Variants in TG observed in about 807,000 individuals in gnomAD.
TG encodes thyroid hormones.
In TG, 270 loss-of-function variants were observed where a neutral mutation model predicts 324.7. The observed-to-expected ratio is 0.83, with a 90% CI of 0.75 to 0.92. TG has a LOEUF of 0.92. Among genes scored for constraint, TG ranks in the 40% least tolerant of loss-of-function variants. The pLI, the probability that TG is intolerant of heterozygous loss-of-function variation, is 0.00. For missense variants in TG, 3,591 were observed against 3,456.4 expected (o/e 1.04, Z -0.98); for synonymous variants, 1,401 against 1,327.0 (o/e 1.06, Z -1.21).
At chr8:133,069,452 T>C (rs1244629690) in intron 41 of TG, among the ~76,000 whole-genome samples, 1 of 152,176 alleles carries the variant, frequency 6.6e-6, no homozygotes, top group East Asian at 1.9e-4. Flanking sequence ...TTGGTCTCTC[T>C]AAAGAGATCT....
At chr8:133,049,249 T>G in intron 41 of TG, 5 of 427,320 alleles carry the variant, frequency 1.2e-5, no homozygotes, top group South Asian at 6.5e-5. Flanking sequence ...ATATCTCTTG[T>G]TTATCTTACC....
chr8:133,001,849 C>T, intron 35 of TG: 13 of 985,470 alleles, frequency 1.3e-5, no homozygotes, highest in Non-Finnish European at 1.3e-5. Context: ...TTTACCCCAG[C>T]CAGCCTGTGC....
intron 25 of TG, among the ~76,000 whole-genome samples, chr8:132,936,708 C>T (rs1056991829): frequency 2.6e-5 from 4 of 152,162 alleles, no homozygotes; most frequent in Non-Finnish European, 4.4e-5. Context: ...GGTCTGCGCT[C>T]GCTCTTCTGC....
At position 133,113,571 on chromosome 8, in the gene TG, C is replaced by T; in HGVS notation, c.7722C>T (p.Ala2574=). Residue 2574 remains alanine (A), a synonymous_variant, in exon 44 of 48, where the codon GCC becomes GCT. Transcript: ENST00000220616. ...YSLEHSTDDY[A]SFSRALENAT... ...TGGAGCACTCCACGGATGACTATGCCTCCTTCTCCCGGGCTCTGGAGAATG... is the reference window on the plus strand; with the variant it reads ...TGGAGCACTCCACGGATGACTATGCTTCCTTCTCCCGGGCTCTGGAGAATG... 6.2e-7 allele frequency: 1 copy of T among 1,614,172 alleles called. No individual in the cohort carries two copies. The highest frequency in any genetic ancestry group is 8.5e-7 in the Non-Finnish European group (1 of 1,180,020).
At chr8:133,050,043 G>A (rs1381779136) in intron 41 of TG, 1 of 1,123,308 alleles carries the variant, frequency 8.9e-7, no homozygotes. Context: ...CAAAACCAAA[G>A]GATGAATGAA....
intron 19 of TG, 61 bp from the exon 20 acceptor site, chr8:132,912,986 T>C (rs1819749285): frequency 3.3e-6 from 5 of 1,524,924 alleles, no homozygotes; most frequent in African/African-American, 1.4e-5. Flanking sequence ...CCCTGCTTAA[T>C]CCTCCCTGGC....
chr8:133,079,077 G>A (rs1365911010), intron 41 of TG, among the ~76,000 whole-genome samples: 1 of 152,192 alleles, frequency 6.6e-6, no homozygotes, highest in African/African-American at 2.4e-5. Context: ...CTAGGTCCAT[G>A]TACTGAGTCA....
intron 27 of TG, among the ~76,000 whole-genome samples, chr8:132,958,505 G>A (rs1036780339): frequency 2.0e-5 from 3 of 152,118 alleles, no homozygotes; most frequent in Non-Finnish European, 4.4e-5. Context: ...GGATCACGAG[G>A]TCAGGAGTTC....
At chr8:133,000,660 C>A (rs1304942625) in intron 35 of TG, among the ~76,000 whole-genome samples, 1 of 152,188 alleles carries the variant, frequency 6.6e-6, no homozygotes. Flanking sequence ...CACATTATGT[C>A]TGTGCCGCTT....
chr8:132,993,677 A>C (rs760802970), intron 35 of TG, among the ~76,000 whole-genome samples: 3 of 152,198 alleles, frequency 2.0e-5, no homozygotes, highest in African/African-American at 4.8e-5. Flanking sequence ...TGTTTGCTGA[A>C]TGGTTATGTC....
Position 132,995,552 on chromosome 8 carries a change from A to G in TG, c.6262+12140A>G, listed in dbSNP as rs575664487. The G allele has an allele frequency of 3.4e-5, 33 of 984,638 alleles. No homozygotes were observed. The South Asian group carries it at 1.3e-3, about 39-fold the overall frequency. The allele number at this position is 984,638 out of a possible 1,614,324, so 61.0% of individuals were successfully genotyped here. ...TTGTTCACATGCATTTGTGCCTCAG[A>G]ATTTCTATCGTTTTGCCCACGCACC... is the stretch of plus-strand genomic sequence containing the variant. On this transcript the variant is annotated intron_variant, in intron 35 of 47. Coordinates refer to ENST00000220616, the MANE Select transcript of TG (RefSeq NM_003235.5).
intron 41 of TG, chr8:133,060,106 G>T: frequency 6.3e-7 from 1 of 1,599,242 alleles, no homozygotes; most frequent in Non-Finnish European, 8.5e-7. Flanking sequence ...TTACCCTCCG[G>T]GTTGGGCAGG....
chr8:132,887,370 G>A lies in TG; in HGVS notation c.1998G>A (p.Arg666=). Residue 666 remains arginine, a synonymous_variant, in exon 9 of 48, where the codon AGG becomes AGA. Coordinates refer to ENST00000220616, the MANE Select transcript of TG (RefSeq NM_003235.5). ...GCCCCACAGACTGTGAAAAGCAAAG[G>A]GCTCGCATGCAAAGCCTCATGGGCA... The part of the protein sequence containing the change: ...PRCPTDCEKQ[R]ARMQSLMGSQ... 6.2e-7 allele frequency: 1 copy of A among 1,614,104 alleles called. No individual in the cohort carries two copies. The highest frequency in any genetic ancestry group is 1.1e-5 in the South Asian group (1 of 91,080).
intron 30 of TG, 113 bp downstream of exon 30, chr8:132,966,810 A>G: frequency 1.6e-6 from 2 of 1,277,974 alleles, no homozygotes; most frequent in Admixed American, 1.7e-5. Context: ...GTCATAACTC[A>G]TGGATCACTG....
In TG at chr8:132,882,886, G is replaced by C. The variant is rs753308520; in HGVS notation, c.962G>C (p.Arg321Pro). 6.2e-7 allele frequency: 1 copy of C among 1,614,224 alleles called. No homozygotes were observed. Among genetic ancestry groups the C allele is most frequent in the Non-Finnish European group, 8.5e-7 (1 of 1,180,044 alleles). The stretch of plus-strand genomic sequence containing the variant: ...CACCCCTATGTTCCAAGCTGCCGCC[G>C]AAATGGCGACTATCAGGCGGTGCAG... ...FGHPYVPSCR[R>P]NGDYQAVQCQ... Residue 321 changes from arginine to proline, a missense_variant, in exon 8 of 48, where the codon CGA becomes CCA. Physicochemically the swap from Arg to Pro is moderately radical, Grantham distance 103. Coordinates refer to ENST00000220616, the MANE Select transcript of TG (RefSeq NM_003235.5).
At chr8:133,112,803 A>G (rs1258826994) in intron 43 of TG, among the ~76,000 whole-genome samples, 1 of 151,996 alleles carries the variant, frequency 6.6e-6, no homozygotes, top group Non-Finnish European at 1.5e-5. Flanking sequence ...TCCCTGATAT[A>G]CCATACATTT....
chr8:132,880,436 G>A (rs1168074559), intron 5 of TG, among the ~76,000 whole-genome samples: 5 of 152,244 alleles, frequency 3.3e-5, no homozygotes, highest in Admixed American at 3.3e-4. Context: ...CCTAGGCTCT[G>A]ATGAATGAAC....
At chr8:133,055,942 G>A (rs754104710) in intron 41 of TG, among the ~76,000 whole-genome samples, 43 of 152,012 alleles carry the variant, frequency 2.8e-4, no homozygotes, top group Non-Finnish European at 5.0e-4. Flanking sequence ...AAGTCCTCAC[G>A]CCTCCCTGTG....
chr8:133,056,088 G>A lies in TG; in HGVS notation c.7239+26065G>A, dbSNP rs1474670199. ...AACCAGGTCTCCCTGGGCAGGGCAG[G>A]GCATGGCTGTGTTTGAACCACTCAG... On this transcript the variant is annotated intron_variant, in intron 41 of 47. Coordinates refer to ENST00000220616, the MANE Select transcript of TG (RefSeq NM_003235.5). 2.0e-5 allele frequency among the ~76,000 whole-genome samples: 3 copies of A among 152,080 alleles called. No homozygotes were observed. In the East Asian group the frequency reaches 5.8e-4, roughly 29 times the overall value.
Sources: allele counts gnomAD v4.1 joint callset (sites outside exome capture counted in the v4.1 genomes callset), GRCh38; gene constraint gnomAD v4.1.1; transcripts MANE v1.5; gene names NCBI Gene and HGNC (gene_info 2026-07-23, HGNC 2026-07-21).